Variants in RAPH1 observed in about 807,000 individuals in gnomAD.
RAPH1 encodes ras-associated and pleckstrin homology domains-containing protein 1.
Under a neutral mutation model 88.1 loss-of-function variants are expected in RAPH1, and 18 were observed. The observed-to-expected ratio is 0.20, with a 90% CI of 0.14 to 0.30. The LOEUF (loss-of-function observed/expected upper bound fraction) is 0.30. Ranked by LOEUF, RAPH1 falls within the 10% of genes least tolerant of loss-of-function variation. The pLI, the probability that RAPH1 is intolerant of heterozygous loss-of-function variation, is 1.00. For missense variants in RAPH1, 1,448 were observed against 1,543.2 expected (o/e 0.94, Z 1.03); for synonymous variants, 587 against 559.0 (o/e 1.05, Z -0.71).
intron 4 of RAPH1, among the ~76,000 whole-genome samples, chr2:203,467,334 T>C (rs991602695): frequency 2.6e-5 from 4 of 152,022 alleles, no homozygotes; most frequent in Non-Finnish European, 4.4e-5. Flanking sequence ...CTCACGCCTA[T>C]AATCCCAGCA....
chr2:203,459,896 T>C lies in RAPH1; in HGVS notation c.1092+11A>G. ...TACAAATCCTGACCTCTGTAAGTTG[T>C]TTGGTCTTACCTGTGGGTTTTTGAA... is the stretch of plus-strand genomic sequence containing the variant. On this transcript the variant is annotated intron_variant, in intron 7 of 13. Transcript: ENST00000319170. 1 of 1,608,922 alleles carries C rather than the reference T, an allele frequency of 6.2e-7. No individual in the cohort carries two copies. Among genetic ancestry groups the C allele is most frequent in the East Asian group, 2.2e-5 (1 of 44,768 alleles).
chr2:203,483,595 T>C (rs1029678095), intron 4 of RAPH1, among the ~76,000 whole-genome samples: 2 of 152,180 alleles, frequency 1.3e-5, no homozygotes, highest in African/African-American at 4.8e-5. Flanking sequence ...ATCAACTTCA[T>C]TGGATTAAGG....
chr2:203,497,291 T>C (rs1018793715), intron 1 of RAPH1, among the ~76,000 whole-genome samples: 1 of 152,182 alleles, frequency 6.6e-6, no homozygotes, highest in African/African-American at 2.4e-5. Context: ...GTAAGAAAAT[T>C]AATTTCTGTT....
rs149206932 is a variant in RAPH1 at position 203,436,584 on chromosome 2, A to G, written c.*2853T>C. On this transcript the variant is annotated 3_prime_UTR_variant, in exon 14 of 14. Transcript: ENST00000319170. ...CATAGTAGAAATTAGGAGTGTCACT[A>G]ATTAAGCAAGTCACTACCTCTAATA... 1.6e-4 allele frequency: 24 copies of G among 152,216 alleles called. No homozygotes were observed. The highest frequency in any genetic ancestry group is 5.3e-4 in the African/African-American group (22 of 41,462). 9.4% of individuals were successfully genotyped at this position (152,216 alleles called of 1,614,324 possible). A position where few individuals can be genotyped will look rare whatever the true frequency, so the allele number is the denominator to read the frequency against.
At chr2:203,509,411 C>T (rs1283692342) in intron 1 of RAPH1, among the ~76,000 whole-genome samples, 1 of 151,890 alleles carries the variant, frequency 6.6e-6, no homozygotes, top group Non-Finnish European at 1.5e-5. Context: ...ACAAGTAGGT[C>T]AGAAAAAAAT....
chr2:203,478,030 CTT>C (rs1259478623), intron 4 of RAPH1, among the ~76,000 whole-genome samples: 34 of 149,572 alleles, frequency 2.3e-4, no homozygotes, highest in African/African-American at 8.5e-4. Flanking sequence ...TCATCAATAA[CTT>C]TTTGTTTTTT....
chr2:203,517,359 C>CAAAAAAAAAAAAAAAAAAAAAAAAA (rs71408943), intron 1 of RAPH1, among the ~76,000 whole-genome samples: 5 of 32,154 alleles, frequency 1.6e-4, no homozygotes, highest in Non-Finnish European at 2.4e-4. Context: ...CTATGAGAGG[C>CAAAAAAAAAAAAAAAAAAAAAAAAA]AAAAAAAAAA....
intron 1 of RAPH1, among the ~76,000 whole-genome samples, chr2:203,512,355 C>CAAAAAAAAAAAAAAAAAACAAAAAAAAAA (rs371978714): frequency 9.7e-6 from 1 of 103,626 alleles, no homozygotes; most frequent in Non-Finnish European, 2.0e-5. Flanking sequence ...GACTCTGTCT[C>CAAAAAAAAAAAAAAAAAACAAAAAAAAAA]AAAAAAAAAA....
chr2:203,449,995 C>A (rs79529843), intron 10 of RAPH1, among the ~76,000 whole-genome samples: 2 of 150,504 alleles, frequency 1.3e-5, no homozygotes, highest in Non-Finnish European at 1.5e-5. Flanking sequence ...CGCACTCCAG[C>A]CTGGGTAACA....
chr2:203,462,671 G>A (rs1034550735), intron 4 of RAPH1, among the ~76,000 whole-genome samples: 3 of 152,066 alleles, frequency 2.0e-5, no homozygotes, highest in African/African-American at 7.2e-5. Flanking sequence ...AGAAAACTTA[G>A]ATTAAAAAGA....
intron 1 of RAPH1, among the ~76,000 whole-genome samples, chr2:203,526,948 T>A (rs915504250): frequency 2.0e-5 from 3 of 151,860 alleles, no homozygotes; most frequent in Non-Finnish European, 2.9e-5. Context: ...CACACCCAGC[T>A]AATTTTTGTG....
chr2:203,509,260 A>C (rs1458145736), intron 1 of RAPH1, among the ~76,000 whole-genome samples: 2 of 151,724 alleles, frequency 1.3e-5, no homozygotes, highest in Non-Finnish European at 2.9e-5. Flanking sequence ...TATAGAGATG[A>C]GATTTTGCCA....
chr2:203,532,331 G>A (rs1217431130), intron 1 of RAPH1, among the ~76,000 whole-genome samples: 3 of 152,184 alleles, frequency 2.0e-5, no homozygotes, highest in Non-Finnish European at 4.4e-5. Context: ...AGATGGTGGT[G>A]ATGATGGCAC....
chr2:203,509,889 C>G (rs943113693), intron 1 of RAPH1, among the ~76,000 whole-genome samples: 2 of 152,126 alleles, frequency 1.3e-5, no homozygotes, highest in African/African-American at 4.8e-5. Context: ...CCTGCTCCGG[C>G]CATGTCACCT....
intron 4 of RAPH1, among the ~76,000 whole-genome samples, chr2:203,478,182 T>C (rs545444535): frequency 6.6e-6 from 1 of 151,620 alleles, no homozygotes; most frequent in African/African-American, 2.4e-5. Flanking sequence ...TACAGGCGCC[T>C]GCCACCAAGC....
chr2:203,464,817 A>G (rs553276983), intron 4 of RAPH1, among the ~76,000 whole-genome samples: 2 of 152,342 alleles, frequency 1.3e-5, no homozygotes, highest in African/African-American at 4.8e-5. Flanking sequence ...AAAAATGAAC[A>G]TGATTTTAAA....
At chr2:203,508,988 T>C (rs1252030885) in intron 1 of RAPH1, among the ~76,000 whole-genome samples, 2 of 151,752 alleles carry the variant, frequency 1.3e-5, no homozygotes, top group African/African-American at 4.8e-5. Flanking sequence ...AGCTTATTTA[T>C]AAAAATTTAG....
intron 4 of RAPH1, among the ~76,000 whole-genome samples, chr2:203,479,990 A>G (rs182301497): frequency 1.1e-4 from 13 of 123,614 alleles, no homozygotes; most frequent in African/African-American, 2.7e-4. Context: ...TCCCATGGGG[A>G]AAAAAAATGA....
At chr2:203,492,645 T>C (rs529621231) in intron 2 of RAPH1, among the ~76,000 whole-genome samples, 1 of 152,336 alleles carries the variant, frequency 6.6e-6, no homozygotes, top group East Asian at 1.9e-4. Context: ...GGGTCAGTAG[T>C]TATTGTTTAA....
Sources: allele counts gnomAD v4.1 joint callset (sites outside exome capture counted in the v4.1 genomes callset), GRCh38; gene constraint gnomAD v4.1.1; transcripts MANE v1.5; gene names NCBI Gene and HGNC (gene_info 2026-07-23, HGNC 2026-07-21).